Variants in DPPA4 observed in about 807,000 individuals in gnomAD.
The protein encoded by DPPA4 is developmental pluripotency associated 4, also known as developmental pluripotency-associated protein 4.
In DPPA4, 22 loss-of-function variants were observed where a neutral mutation model predicts 33.7. That is an observed-to-expected ratio of 0.65 (90% CI 0.47 to 0.93). DPPA4 has a LOEUF of 0.93. Among genes scored for constraint, DPPA4 ranks in the 40% least tolerant of loss-of-function variants. The pLI is 0.00. For missense variants in DPPA4, 340 were observed against 358.6 expected (o/e 0.95, Z 0.42); for synonymous variants, 156 against 132.3 (o/e 1.18, Z -1.23).
chr3:109,327,224 T>G lies in DPPA4; in HGVS notation c.*764A>C, dbSNP rs1680586796. The G allele has an allele frequency of 6.6e-6, 1 of 152,198 alleles. No homozygotes were observed. The highest frequency in any genetic ancestry group is 2.4e-5 in the African/African-American group (1 of 41,444). The allele number at this position is 152,198 out of a possible 1,614,324, so 9.4% of individuals were successfully genotyped here. On this transcript the variant is annotated 3_prime_UTR_variant, in exon 7 of 7. Transcript: ENST00000335658. ...GAGGGAGGGAATTAACAGCCTTTCT[T>G]TGCCTTAAAATACTTTACGTTTTAT...
intron 5 of DPPA4, 195 bp from the exon 6 acceptor site, chr3:109,329,283 C>A (rs1259575161): frequency 2.1e-5 from 12 of 575,636 alleles, no homozygotes; most frequent in Non-Finnish European, 3.7e-5. Flanking sequence ...CGCTTGTAAT[C>A]CCAGCACTTT....
rs1248191358 is a variant in DPPA4 at position 109,327,186 on chromosome 3, C to A, written c.*802G>T. The stretch of plus-strand genomic sequence containing the variant: ...AAATATTGTTTAGAATATTAAAAAT[C>A]ATGTGTTTGGGGGAGGGAGGGAATT... On this transcript the variant is annotated 3_prime_UTR_variant, in exon 7 of 7. Coordinates refer to ENST00000335658, the MANE Select transcript of DPPA4 (RefSeq NM_018189.4). 2.0e-5 allele frequency: 3 copies of A among 152,006 alleles called. No homozygotes were observed. The highest frequency in any genetic ancestry group is 2.9e-5 in the Non-Finnish European group (2 of 68,002). 9.4% of individuals were successfully genotyped at this position (152,006 alleles called of 1,614,324 possible).
chr3:109,331,158 A>G (rs1233062698), intron 4 of DPPA4, among the ~76,000 whole-genome samples: 1 of 150,196 alleles, frequency 6.7e-6, no homozygotes, highest in Non-Finnish European at 1.5e-5. Flanking sequence ...CATGCTTGTA[A>G]TCTCAGCTAC....
rs995716560 is a variant in DPPA4, at chr3:109,334,009, G to C, written c.55-16C>G. On this transcript the variant is annotated splice_polypyrimidine_tract_variant and intron_variant, in intron 1 of 6. Transcript: ENST00000335658. ...TGGAGGTCCACTGGGGAACAGAGGAGCTGGTCAGTCATTCCTCTAGTGTCC... is the reference window on the plus strand; with the variant it reads ...TGGAGGTCCACTGGGGAACAGAGGACCTGGTCAGTCATTCCTCTAGTGTCC... The C allele has an allele frequency of 6.2e-7, 1 of 1,613,506 alleles. No homozygotes were observed.
At chr3:109,328,390 G>A (rs761249569) in intron 6 of DPPA4, among the ~76,000 whole-genome samples, 7 of 152,138 alleles carry the variant, frequency 4.6e-5, no homozygotes, top group Non-Finnish European at 1.0e-4. Flanking sequence ...TCCCAAAGAA[G>A]GAAAAGCCAA....
At chr3:109,337,614 C>T, upstream of DPPA4, 2 of 1,026,182 alleles carry the variant, frequency 1.9e-6, no homozygotes, top group Admixed American at 1.8e-5. Context: ...CTCACCTCTT[C>T]TTTTCTTCTC....
At position 109,334,002 on chromosome 3, in the gene DPPA4, C is replaced by G. The variant is rs574306818; in HGVS notation, c.55-9G>C. The G allele has an allele frequency of 1.1e-5, 17 of 1,613,802 alleles. No homozygotes were observed. The South Asian group carries it at 1.3e-4, about 13-fold the overall frequency. Reference sequence around the variant, plus strand: ...TTCTCTGTGGAGGTCCACTGGGGAACAGAGGAGCTGGTCAGTCATTCCTCT... The same window carrying G: ...TTCTCTGTGGAGGTCCACTGGGGAAGAGAGGAGCTGGTCAGTCATTCCTCT... On this transcript the variant is annotated splice_polypyrimidine_tract_variant and intron_variant, in intron 1 of 6. Coordinates refer to ENST00000335658, the MANE Select transcript of DPPA4 (RefSeq NM_018189.4).
intron 1 of DPPA4, chr3:109,336,173 A>T (rs1416272358): frequency 2.0e-5 from 3 of 151,938 alleles, no homozygotes; most frequent in African/African-American, 7.3e-5. Context: ...AATATAATAA[A>T]ATTTCTCCTA....
Position 109,327,921 on chromosome 3 carries a change from C to T in DPPA4, c.*67G>A, listed in dbSNP as rs1707973288. 1.7e-6 allele frequency: 2 copies of T among 1,162,528 alleles called. No homozygotes were observed. The highest frequency in any genetic ancestry group is 2.3e-5 in the East Asian group (1 of 42,818). 72.0% of individuals were successfully genotyped at this position (1,162,528 alleles called of 1,614,324 possible). ...GACCAGAGTTCACCTGTCAGCAGCACCGCAGAATCCAACTCTCCAGCTTTT... is the reference window on the plus strand; with the variant it reads ...GACCAGAGTTCACCTGTCAGCAGCATCGCAGAATCCAACTCTCCAGCTTTT... On this transcript the variant is annotated 3_prime_UTR_variant, in exon 7 of 7. Coordinates refer to ENST00000335658, the MANE Select transcript of DPPA4 (RefSeq NM_018189.4).
At chr3:109,331,342 G>A (rs1034088479) in intron 4 of DPPA4, among the ~76,000 whole-genome samples, 3 of 145,536 alleles carry the variant, frequency 2.1e-5, no homozygotes, top group African/African-American at 7.6e-5. Flanking sequence ...GAAAATTGCT[G>A]GCCAGGCACA....
At chr3:109,336,225 C>A (rs1178240020) in intron 1 of DPPA4, 1 of 152,018 alleles carries the variant, frequency 6.6e-6, no homozygotes, top group Non-Finnish European at 1.5e-5. Context: ...GATTACTGGA[C>A]AAATTAACAT....
In DPPA4 at chr3:109,332,056, G is replaced by C. The variant is rs1470884233; in HGVS notation, c.179-25C>G. On this transcript the variant is annotated intron_variant, in intron 2 of 6. Coordinates refer to ENST00000335658, the MANE Select transcript of DPPA4 (RefSeq NM_018189.4). ...ACTGAAGCAGAATGGAATCAAATGA[G>C]TAGTAATTATCTTTGTGTAGCTTTT... is the stretch of plus-strand genomic sequence containing the variant. 10 of 1,544,398 alleles carry C rather than the reference G, an allele frequency of 6.5e-6. No homozygotes were observed. In the South Asian group the frequency reaches 1.2e-4, roughly 18 times the overall value.
intron 1 of DPPA4, among the ~76,000 whole-genome samples, chr3:109,335,926 G>A (rs1708185671): frequency 6.6e-6 from 1 of 151,732 alleles, no homozygotes; most frequent in Admixed American, 6.6e-5. Context: ...GCCGAGGTGG[G>A]CTGACCGATT....
intron 2 of DPPA4, 99 bp downstream of exon 2, chr3:109,333,771 C>T (rs1708135571): frequency 2.1e-6 from 3 of 1,428,562 alleles, no homozygotes; most frequent in South Asian, 2.6e-5. Flanking sequence ...TTGCACAATA[C>T]ATGATGGAAA....
chr3:109,332,185 T>TTCACTTC, intron 2 of DPPA4, 154 bp from the exon 3 acceptor site: 3 of 562,048 alleles, frequency 5.3e-6, no homozygotes, highest in Non-Finnish European at 9.1e-6. Context: ...CCCTGCAACC[T>TTCACTTC]CCGCCTCGTG....
chr3:109,328,851 C>T (rs1409603487), intron 6 of DPPA4, 39 bp downstream of exon 6: 2 of 1,561,360 alleles, frequency 1.3e-6, no homozygotes, highest in Non-Finnish European at 1.7e-6. Flanking sequence ...GAAAATCCGG[C>T]ACCCACTTTT....
At chr3:109,335,438 C>CT (rs1428295176) in intron 1 of DPPA4, among the ~76,000 whole-genome samples, 1 of 152,128 alleles carries the variant, frequency 6.6e-6, no homozygotes, top group Admixed American at 6.6e-5. Context: ...TCCCTATTTT[C>CT]TTTTTCTCTG....
chr3:109,330,822 G>T lies in DPPA4; in HGVS notation c.391-10C>A. The T allele has an allele frequency of 1.3e-6, 2 of 1,581,464 alleles. No homozygotes were observed. Among genetic ancestry groups the T allele is most frequent in the Non-Finnish European group, 1.7e-6 (2 of 1,168,004 alleles). ...CTGTGCTAGGAAAATCCTACAAAAA[G>T]GGTTAAATAATAAAGATAAAAATAC... On this transcript the variant is annotated splice_polypyrimidine_tract_variant and intron_variant, in intron 4 of 6. Transcript: ENST00000335658.
chr3:109,332,285 T>G (rs1326061940), intron 2 of DPPA4: 1 of 259,420 alleles, frequency 3.9e-6, no homozygotes, highest in African/African-American at 2.2e-5. Context: ...GTATTTTTAG[T>G]GGAGATGGGG....
Sources: allele counts gnomAD v4.1 joint callset (sites outside exome capture counted in the v4.1 genomes callset), GRCh38; gene constraint gnomAD v4.1.1; transcripts MANE v1.5; gene names NCBI Gene and HGNC (gene_info 2026-07-23, HGNC 2026-07-21).